UBE4B: variants seen among roughly 807,000 people sequenced by gnomAD.
The protein encoded by UBE4B is ubiquitin conjugation factor E4 B.
A neutral mutation model predicts 148.1 loss-of-function variants in UBE4B; 27 were observed. The ratio of observed to expected loss-of-function variants is 0.18; its 90% CI spans 0.13 to 0.25. UBE4B has a LOEUF of 0.25. Ranked by LOEUF, UBE4B falls within the 10% of genes least tolerant of loss-of-function variation. The pLI is 1.00. For synonymous variants in UBE4B, 596 were observed against 619.3 expected (o/e 0.96, Z 0.56); for missense variants, 1,170 against 1,662.4 (o/e 0.70, Z 5.15).
chr1:10,060,141 T>C (rs1405239344), intron 1 of UBE4B, among the ~76,000 whole-genome samples: 5 of 152,080 alleles, frequency 3.3e-5, no homozygotes, highest in Non-Finnish European at 7.4e-5. Flanking sequence ...CATGGTGATT[T>C]AAAACAAGCA....
chr1:10,064,710 A>G (rs1442701040), intron 1 of UBE4B, among the ~76,000 whole-genome samples: 1 of 152,122 alleles, frequency 6.6e-6, no homozygotes, highest in East Asian at 1.9e-4. Flanking sequence ...TGGCTAGAGA[A>G]AAAAACAAAA....
intron 2 of UBE4B, among the ~76,000 whole-genome samples, chr1:10,086,214 A>G (rs536706744): frequency 7.0e-4 from 106 of 152,124 alleles, no homozygotes; most frequent in Non-Finnish European, 1.1e-3. Flanking sequence ...CTCGTGATCT[A>G]TCTGCCTCGG....
intron 23 of UBE4B, among the ~76,000 whole-genome samples, chr1:10,166,553 C>A (rs1290263209): frequency 6.6e-6 from 1 of 151,972 alleles, no homozygotes; most frequent in African/African-American, 2.4e-5. Context: ...TTTGGGAGGC[C>A]TAGGTGGGCA....
chr1:10,157,288 T>A (rs1646088631), intron 21 of UBE4B, among the ~76,000 whole-genome samples: 1 of 152,062 alleles, frequency 6.6e-6, no homozygotes, highest in African/African-American at 2.4e-5. Flanking sequence ...CCCAAAGTGC[T>A]GGGATTATAG....
At chr1:10,061,346 C>A (rs1644281862) in intron 1 of UBE4B, among the ~76,000 whole-genome samples, 1 of 152,074 alleles carries the variant, frequency 6.6e-6, no homozygotes, top group African/African-American at 2.4e-5. Context: ...CCTCCGTTTC[C>A]TGGGTTTAAG....
chr1:10,107,500 G>T, intron 7 of UBE4B: 1 of 1,058,982 alleles, frequency 9.4e-7, no homozygotes, highest in Non-Finnish European at 1.2e-6. Context: ...GGGCTCCAGA[G>T]TATATTGATG....
At chr1:10,113,023 T>C (rs1218323517) in intron 7 of UBE4B, among the ~76,000 whole-genome samples, 1 of 152,138 alleles carries the variant, frequency 6.6e-6, no homozygotes, top group Non-Finnish European at 1.5e-5. Flanking sequence ...TGTTAGTCCA[T>C]TTGCATTGCC....
chr1:10,169,256 G>A (rs1298307677), intron 24 of UBE4B, among the ~76,000 whole-genome samples: 1 of 152,186 alleles, frequency 6.6e-6, no homozygotes, highest in Non-Finnish European at 1.5e-5. Context: ...AGATTCGGTA[G>A]CCATTTGCCT....
intron 15 of UBE4B, among the ~76,000 whole-genome samples, chr1:10,133,847 C>T (rs1042158475): frequency 6.6e-6 from 1 of 151,388 alleles, no homozygotes; most frequent in Non-Finnish European, 1.5e-5. Flanking sequence ...CCAGGGAGGT[C>T]GAGACCAGCC....
intron 12 of UBE4B, among the ~76,000 whole-genome samples, chr1:10,130,126 C>T (rs561524219): frequency 1.2e-4 from 18 of 152,008 alleles, no homozygotes; most frequent in Non-Finnish European, 2.4e-4. Flanking sequence ...CAGGCTGGAG[C>T]GCAGTGGCGC....
chr1:10,122,438 A>G (rs986893365), intron 10 of UBE4B, among the ~76,000 whole-genome samples: 1 of 152,224 alleles, frequency 6.6e-6, no homozygotes, highest in Non-Finnish European at 1.5e-5. Context: ...TCAAAAATTC[A>G]TTCTCTGAGT....
intron 21 of UBE4B, among the ~76,000 whole-genome samples, chr1:10,155,356 C>A (rs995956235): frequency 6.6e-6 from 1 of 152,174 alleles, no homozygotes; most frequent in African/African-American, 2.4e-5. Context: ...CCACGGCAGT[C>A]CTAAAGATAG....
At chr1:10,175,442 G>A (rs150212272) in intron 25 of UBE4B, among the ~76,000 whole-genome samples, 20,878 of 150,628 alleles carry the variant, frequency 0.14, 2,161 homozygotes, top group African/African-American at 0.29. Context: ...ACAAGGTCAG[G>A]AGATCGAGAC....
In UBE4B at chr1:10,106,379, G is replaced by GC. The variant is rs1557558025; in HGVS notation, c.996dup (p.Tyr333LeufsTer27). On this transcript the variant is annotated frameshift_variant, in exon 7 of 28. Coordinates refer to ENST00000343090, the MANE Select transcript of UBE4B (RefSeq NM_001105562.3). LOFTEE classifies it high-confidence loss of function. This position sits in a 1 kb window ranked among gnomAD's most constrained non-coding sequence, Gnocchi z 4.2. ...AGCCAGCCTTCATCCCCGCGGTATC[G>GC]CCCCTACACTGTCACTCACCCATGG... 8 of 1,612,350 alleles carry GC rather than the reference G, an allele frequency of 5.0e-6. No homozygotes were observed. The highest frequency in any genetic ancestry group is 2.7e-5 in the African/African-American group (2 of 74,790).
At chr1:10,165,707 C>T (rs1252241228) in intron 23 of UBE4B, among the ~76,000 whole-genome samples, 1 of 152,150 alleles carries the variant, frequency 6.6e-6, no homozygotes, top group African/African-American at 2.4e-5. Context: ...ACCTGGAATG[C>T]TCTTCCCTCA....
At chr1:10,055,722 C>A (rs1233248165) in intron 1 of UBE4B, among the ~76,000 whole-genome samples, 1 of 152,124 alleles carries the variant, frequency 6.6e-6, no homozygotes, top group Non-Finnish European at 1.5e-5. Flanking sequence ...GAGTTTGAGA[C>A]CAGCCTGGTC....
At chr1:10,171,874 C>G (rs1646344298) in intron 25 of UBE4B, among the ~76,000 whole-genome samples, 1 of 152,122 alleles carries the variant, frequency 6.6e-6, no homozygotes, top group South Asian at 2.1e-4. Context: ...GGGTGAGACT[C>G]TGTCTCAAAA....
In UBE4B at chr1:10,171,305, C is replaced by G. The variant is rs757111718; in HGVS notation, c.3501C>G (p.Phe1167Leu). The change falls in exon 25 of 28, where the codon TTC becomes TTG. Residue 1167 changes from phenylalanine to leucine, a missense_variant. Phe to Leu is a conservative substitution (Grantham distance 22, BLOSUM62 0). This residue lies in a region of UBE4B where 348 missense variants were observed against 627.2 expected (regional missense o/e 0.55). Transcript: ENST00000343090. ...DIYLQLDCAR[F>L]AKAIADDQRS... Reference sequence around the variant, plus strand: ...ACTTACAGCTGGACTGTGCTCGGTTCGCGAAAGCCATTGCTGACGACCAGG... The same window carrying G: ...ACTTACAGCTGGACTGTGCTCGGTTGGCGAAAGCCATTGCTGACGACCAGG... 6.2e-7 allele frequency: 1 copy of G among 1,613,616 alleles called. No homozygotes were observed. The highest frequency in any genetic ancestry group is 8.5e-7 in the Non-Finnish European group (1 of 1,179,770).
Position 10,133,120 on chromosome 1 carries a change from GGCGTGAGT to G in UBE4B, c.2025+641_2025+648del, listed in dbSNP as rs148108791. On this transcript the variant is annotated intron_variant, in intron 15 of 27. Transcript: ENST00000343090. Reference sequence around the variant, plus strand: ...ACAGACCCAAGAAGGCAGCTGCAAGGGCGTGAGTGCTTCGGTCCGGGTGAGACAGGCCA... The same window carrying G: ...ACAGACCCAAGAAGGCAGCTGCAAGGGCTTCGGTCCGGGTGAGACAGGCCA... Among the ~76,000 whole-genome samples, 768 of 152,306 alleles carry G rather than the reference GGCGTGAGT, an allele frequency of 5.0e-3. 6 individuals carry two copies. Among genetic ancestry groups the G allele is most frequent in the African/African-American group, 0.018 (735 of 41,574 alleles).
Sources: allele counts gnomAD v4.1 joint callset (sites outside exome capture counted in the v4.1 genomes callset), GRCh38; gene constraint gnomAD v4.1.1; regional missense constraint gnomAD v4.1.1; non-coding constraint Gnocchi (gnomAD v3.1); transcripts MANE v1.5; gene names NCBI Gene and HGNC (gene_info 2026-07-23, HGNC 2026-07-21).